The following SLC25A21 variants were observed in gnomAD, a reference collection of about 807,000 sequenced individuals.
The protein encoded by SLC25A21 is solute carrier family 25 member 21, also known as mitochondrial 2-oxodicarboxylate carrier.
A neutral mutation model predicts 43.8 loss-of-function variants in SLC25A21; 47 were observed. That is an observed-to-expected ratio of 1.07 (90% CI 0.85 to 1.37). The LOEUF (loss-of-function observed/expected upper bound fraction) is 1.37. Among genes scored for constraint, SLC25A21 ranks in the 40% most tolerant of loss-of-function variants. The pLI is 0.00. For synonymous variants in SLC25A21, 131 were observed against 121.3 expected (o/e 1.08, Z -0.52); for missense variants, 352 against 350.2 (o/e 1.00, Z -0.04).
At chr14:36,707,274 C>T (rs1391944503) in intron 7 of SLC25A21, among the ~76,000 whole-genome samples, 1 of 152,194 alleles carries the variant, frequency 6.6e-6, no homozygotes, top group Non-Finnish European at 1.5e-5. Flanking sequence ...CCTTTACGCT[C>T]CTAAATGTGA....
intron 1 of SLC25A21, among the ~76,000 whole-genome samples, chr14:36,895,905 C>G (rs529964850): frequency 6.6e-6 from 1 of 152,138 alleles, no homozygotes; most frequent in East Asian, 1.9e-4. Flanking sequence ...GTCTGAGAGA[C>G]AGTTTGTTAT....
At chr14:36,849,077 G>A (rs1889637824) in intron 2 of SLC25A21, among the ~76,000 whole-genome samples, 1 of 152,122 alleles carries the variant, frequency 6.6e-6, no homozygotes, top group East Asian at 1.9e-4. Flanking sequence ...AAGATTCTTG[G>A]AGCTTCTAAT....
intron 7 of SLC25A21, among the ~76,000 whole-genome samples, chr14:36,705,578 A>G (rs1241079225): frequency 6.6e-6 from 1 of 151,850 alleles, no homozygotes; most frequent in Non-Finnish European, 1.5e-5. Flanking sequence ...CTCCCACTTA[A>G]TCTCTCTCTG....
intron 1 of SLC25A21, among the ~76,000 whole-genome samples, chr14:36,998,899 T>C (rs1960429040): frequency 1.3e-5 from 2 of 152,024 alleles, no homozygotes; most frequent in African/African-American, 4.8e-5. Context: ...ACCCCAACAA[T>C]GCCAAACGCT....
Position 36,830,850 on chromosome 14 carries a change from G to A in SLC25A21, c.120-16849C>T, listed in dbSNP as rs557323998. On this transcript the variant is annotated intron_variant, in intron 2 of 9. Coordinates refer to ENST00000331299, the MANE Select transcript of SLC25A21 (RefSeq NM_030631.4). ...TCATCATGGGATTCAAAGTGGCAGA[G>A]GGTTATCTGTTTTTAAAAGTCATAG... is the stretch of plus-strand genomic sequence containing the variant. 1.6e-4 allele frequency among the ~76,000 whole-genome samples: 24 copies of A among 152,184 alleles called. No homozygotes were observed. In the East Asian group the frequency reaches 3.7e-3, roughly 23 times the overall value.
chr14:36,826,984 T>TGGGGATGAGGACGAGGAC (rs1888857154), intron 2 of SLC25A21, among the ~76,000 whole-genome samples: 1 of 152,170 alleles, frequency 6.6e-6, no homozygotes, highest in South Asian at 2.1e-4. Flanking sequence ...TGGATGAGGA[T>TGGGGATGAGGACGAGGAC]GGGGATGAGG....
chr14:36,911,924 C>A (rs981904791), intron 1 of SLC25A21, among the ~76,000 whole-genome samples: 3 of 152,122 alleles, frequency 2.0e-5, no homozygotes, highest in Non-Finnish European at 2.9e-5. Context: ...CACTTTCTAG[C>A]CTAAACTGAA....
chr14:37,137,990 A>G (rs184313955), intron 1 of SLC25A21, among the ~76,000 whole-genome samples: 2 of 152,286 alleles, frequency 1.3e-5, no homozygotes, highest in East Asian at 3.9e-4. Context: ...GCTTTTACTT[A>G]TGTTGCTTAC....
chr14:37,003,784 A>C (rs1482193213), intron 1 of SLC25A21, among the ~76,000 whole-genome samples: 1 of 152,186 alleles, frequency 6.6e-6, no homozygotes, highest in Non-Finnish European at 1.5e-5. Context: ...CTGGAGTGCC[A>C]GTTATGTCTG....
intron 1 of SLC25A21, among the ~76,000 whole-genome samples, chr14:36,999,203 A>G (rs1303971506): frequency 6.6e-6 from 1 of 152,228 alleles, no homozygotes. Context: ...CAGTGTAAAA[A>G]GAAATGAGCT....
chr14:36,801,257 C>A (rs763748789), intron 3 of SLC25A21, among the ~76,000 whole-genome samples: 7 of 152,140 alleles, frequency 4.6e-5, no homozygotes, highest in Non-Finnish European at 8.8e-5. Flanking sequence ...CTTGGAGTTT[C>A]CTCCTGCTCA....
intron 9 of SLC25A21, among the ~76,000 whole-genome samples, chr14:36,683,145 T>C (rs8003014): frequency 0.47 from 72,244 of 152,136 alleles, 17,532 homozygotes; most frequent in Admixed American, 0.55. Context: ...AGGTTGCTTA[T>C]AATCTGAGAC....
intron 1 of SLC25A21, among the ~76,000 whole-genome samples, chr14:36,994,193 T>C (rs10483483): frequency 0.11 from 16,075 of 152,178 alleles, 1,040 homozygotes; most frequent in African/African-American, 0.18. Flanking sequence ...TTCCCCAAAC[T>C]ACTTGTTACC....
chr14:36,698,096 T>C (rs61994923), intron 7 of SLC25A21, among the ~76,000 whole-genome samples: 33,127 of 151,724 alleles, frequency 0.22, 4,131 homozygotes, highest in Non-Finnish European at 0.3. Flanking sequence ...GGAGCTCTTG[T>C]AAGGCAGGCC....
At chr14:36,888,519 A>G (rs1350323875) in intron 1 of SLC25A21, among the ~76,000 whole-genome samples, 4 of 151,946 alleles carry the variant, frequency 2.6e-5, no homozygotes, top group Non-Finnish European at 5.9e-5. Flanking sequence ...ATGTTCTGTA[A>G]TGTCTATATA....
chr14:37,096,685 T>G (rs1040011011), intron 1 of SLC25A21, among the ~76,000 whole-genome samples: 5 of 152,188 alleles, frequency 3.3e-5, no homozygotes, highest in Admixed American at 3.3e-4. Flanking sequence ...TCAACTGAAT[T>G]TTTTTCAGCT....
intron 4 of SLC25A21, 106 bp from the exon 5 acceptor site, chr14:36,729,672 A>G: frequency 1.1e-6 from 1 of 909,546 alleles, no homozygotes; most frequent in South Asian, 1.7e-5. Flanking sequence ...CAGCATTTCA[A>G]AAAATGATAA....
chr14:36,931,801 C>T (rs893828846), intron 1 of SLC25A21, among the ~76,000 whole-genome samples: 11 of 152,008 alleles, frequency 7.2e-5, no homozygotes, highest in African/African-American at 2.7e-4. Context: ...AAGGGACAGC[C>T]AACTAGGAGG....
At chr14:37,040,807 T>C (rs1414300562) in intron 1 of SLC25A21, among the ~76,000 whole-genome samples, 1 of 151,538 alleles carries the variant, frequency 6.6e-6, no homozygotes, top group Non-Finnish European at 1.5e-5. Context: ...CTAAAAGTGA[T>C]TGATAAATGT....
Sources: gnomAD v4.1 joint callset for allele counts (sites outside exome capture counted in the v4.1 genomes callset) on GRCh38, gnomAD v4.1.1 for gene constraint, MANE v1.5 for transcripts, NCBI Gene and HGNC (gene_info 2026-07-23, HGNC 2026-07-21) for gene names.